Variants in SYT2 observed in about 807,000 individuals in gnomAD.
SYT2 encodes the protein synaptotagmin 2.
Under a neutral mutation model 39.9 loss-of-function variants are expected in SYT2, and 15 were observed. That is an observed-to-expected ratio of 0.38 (90% confidence interval 0.25 to 0.58). The LOEUF (loss-of-function observed/expected upper bound fraction) is 0.58. Ranked by LOEUF, SYT2 falls within the 20% of genes least tolerant of loss-of-function variation. The pLI is 0.70. For missense variants in SYT2, 389 were observed against 530.3 expected (o/e 0.73, Z 2.62); for synonymous variants, 181 against 204.5 (o/e 0.89, Z 0.98).
intron 1 of SYT2, among the ~76,000 whole-genome samples, chr1:202,701,609 C>T (rs760255696): frequency 3.9e-5 from 6 of 152,186 alleles, no homozygotes; most frequent in African/African-American, 9.7e-5. Flanking sequence ...AACACAAAGA[C>T]GGGTGCAGTG....
At position 202,694,180 on chromosome 1, in the gene SYT2, G is replaced by C. The variant is rs1241872993; in HGVS notation, c.-18+16078C>G. On this transcript the variant is annotated intron_variant, in intron 1 of 8. Coordinates refer to ENST00000367268, the MANE Select transcript of SYT2 (RefSeq NM_177402.5). ...GGGGATGAACATCCAAGCCATATCA[G>C]AGTTTTATGCATTTTCTAGCATAAA... Among the ~76,000 whole-genome samples, 5 of 152,318 alleles carry C rather than the reference G, an allele frequency of 3.3e-5. No individual in the cohort carries two copies. The East Asian group carries it at 9.6e-4, about 29-fold the overall frequency.
chr1:202,676,935 C>T (rs1017991940), intron 1 of SYT2, among the ~76,000 whole-genome samples: 2 of 152,160 alleles, frequency 1.3e-5, no homozygotes, highest in African/African-American at 4.8e-5. Context: ...GCAGACTTCC[C>T]CCTTGCTGTT....
chr1:202,609,042 A>G (rs1690801795), intron 1 of SYT2, among the ~76,000 whole-genome samples: 1 of 93,402 alleles, frequency 1.1e-5, no homozygotes. Context: ...CCCACCCCAC[A>G]ACAGGCCCCA....
chr1:202,599,164 C>T lies in SYT2; in HGVS notation c.1053+54G>A. On this transcript the variant is annotated intron_variant, in intron 8 of 8. Transcript: ENST00000367268. This position sits in a 1 kb window ranked among gnomAD's most constrained non-coding sequence, Gnocchi z 4.4. Reference sequence around the variant, plus strand: ...GTTCCCTCTCTTCAACCTCCCCATACATGTTTGCCTCCCCAAACCCTGCTC... The same window carrying T: ...GTTCCCTCTCTTCAACCTCCCCATATATGTTTGCCTCCCCAAACCCTGCTC... 6.2e-7 allele frequency: 1 copy of T among 1,602,330 alleles called. No homozygotes were observed. Among genetic ancestry groups the T allele is most frequent in the Non-Finnish European group, 8.5e-7 (1 of 1,176,448 alleles).
intron 1 of SYT2, among the ~76,000 whole-genome samples, chr1:202,610,866 A>C (rs1190849233): frequency 6.6e-6 from 1 of 152,102 alleles, no homozygotes; most frequent in Non-Finnish European, 1.5e-5. Flanking sequence ...CATGGGTAGG[A>C]AGAATCAATA....
rs1402391039 is a variant in SYT2, at chr1:202,602,424, T to C, written c.587A>G (p.His196Arg). Reference protein sequence around the residue: ...DKKKKYETKVHRKTLNPAFNE... With the variant: ...DKKKKYETKVRRKTLNPAFNE... ...GAAGGCAGGGTTCAGTGTCTTCCGA[T>C]GGACTTTGGTCTCATATTTCTTCTT... The change falls in exon 5 of 9, where the codon CAT becomes CGT. Residue 196 changes from histidine (H) to arginine (R), a missense_variant. This residue lies in a region of SYT2 where 280 missense variants were observed against 335.6 expected (regional missense o/e 0.83). Coordinates refer to ENST00000367268, the MANE Select transcript of SYT2 (RefSeq NM_177402.5). 6 of 1,614,184 alleles carry C rather than the reference T, an allele frequency of 3.7e-6. No individual in the cohort carries two copies. The East Asian group carries it at 1.1e-4, about 30-fold the overall frequency.
rs1572669003 is a variant in SYT2 at position 202,669,348 on chromosome 1, G to A, written c.-18+40910C>T. ...CAACGGGGCAACATAGTGAGACCTT[G>A]TCTGTACAAAAAAATAATTTAGGCT... is the stretch of plus-strand genomic sequence containing the variant. On this transcript the variant is annotated intron_variant, in intron 1 of 8. Transcript: ENST00000367268. Among the ~76,000 whole-genome samples, 5 of 151,530 alleles carry A rather than the reference G, an allele frequency of 3.3e-5. No homozygotes were observed. In the South Asian group the frequency reaches 8.4e-4, roughly 25 times the overall value.
chr1:202,654,833 C>T (rs1244562977), intron 1 of SYT2, among the ~76,000 whole-genome samples: 1 of 152,158 alleles, frequency 6.6e-6, no homozygotes, highest in Non-Finnish European at 1.5e-5. Flanking sequence ...AAGTGTATTC[C>T]AGGCAGAATG....
At chr1:202,699,130 C>T (rs2149120772) in intron 1 of SYT2, among the ~76,000 whole-genome samples, 1 of 150,504 alleles carries the variant, frequency 6.6e-6, no homozygotes, top group Admixed American at 6.7e-5. Context: ...TCAAGAGATC[C>T]TCTTACCTCA....
intron 1 of SYT2, among the ~76,000 whole-genome samples, chr1:202,635,172 G>A (rs1691707249): frequency 6.6e-6 from 1 of 152,132 alleles, no homozygotes; most frequent in South Asian, 2.1e-4. Flanking sequence ...AAGTCCCATG[G>A]CTAGGAGGCC....
intron 1 of SYT2, among the ~76,000 whole-genome samples, chr1:202,702,417 C>T (rs1243414073): frequency 1.3e-5 from 2 of 152,180 alleles, no homozygotes; most frequent in Non-Finnish European, 2.9e-5. Context: ...TTTTCCTACT[C>T]GTGGGAGAGT....
intron 1 of SYT2, among the ~76,000 whole-genome samples, chr1:202,700,906 TAA>T (rs997790324): frequency 3.9e-5 from 6 of 152,226 alleles, no homozygotes; most frequent in Non-Finnish European, 1.5e-5. Context: ...GGTAGCTTCT[TAA>T]AGACTGGCTG....
chr1:202,687,568 A>C (rs1402878400), intron 1 of SYT2, among the ~76,000 whole-genome samples: 1 of 151,090 alleles, frequency 6.6e-6, no homozygotes, highest in Non-Finnish European at 1.5e-5. Flanking sequence ...CCTCCCCTTG[A>C]CCAGACGCCA....
Position 202,602,986 on chromosome 1 carries a change from C to T in SYT2, c.465+13G>A, listed in dbSNP as rs752303128. On this transcript the variant is annotated intron_variant, in intron 4 of 8. Transcript: ENST00000367268. ...CCCATTCCCCCACTCTGCCCCCCCA[C>T]AGCCCTGCATACCTGATTAGCCTGA... 1.0e-5 allele frequency: 16 copies of T among 1,572,970 alleles called. No homozygotes were observed. The highest frequency in any genetic ancestry group is 1.7e-4 in the Middle Eastern group (1 of 5,972).
rs1691492654 is a variant in SYT2 at position 202,628,918 on chromosome 1, T to G, written c.-17-23129A>C. On this transcript the variant is annotated intron_variant, in intron 1 of 8. Transcript: ENST00000367268. This position sits in a 1 kb window ranked among gnomAD's most constrained non-coding sequence, Gnocchi z 4.2. Reference sequence around the variant, plus strand: ...GGGAACTTGAACAGGTTGCTTAACCTCTCTGGGCCTCAGCACTCCGTCTGC... The same window carrying G: ...GGGAACTTGAACAGGTTGCTTAACCGCTCTGGGCCTCAGCACTCCGTCTGC... Among the ~76,000 whole-genome samples, 1 of 152,182 alleles carries G rather than the reference T, an allele frequency of 6.6e-6. No homozygotes were observed. The highest frequency in any genetic ancestry group is 2.4e-5 in the African/African-American group (1 of 41,448).
At chr1:202,625,577 G>A (rs1346032515) in intron 1 of SYT2, among the ~76,000 whole-genome samples, 1 of 151,862 alleles carries the variant, frequency 6.6e-6, no homozygotes, top group Non-Finnish European at 1.5e-5. Flanking sequence ...TCTTCCCTGC[G>A]GCCCGTTGAG....
chr1:202,703,822 G>T (rs1226515937), intron 1 of SYT2, among the ~76,000 whole-genome samples: 1 of 152,080 alleles, frequency 6.6e-6, no homozygotes, highest in Non-Finnish European at 1.5e-5. Flanking sequence ...TTTCCCATAT[G>T]CCTAGTGCCA....
intron 1 of SYT2, among the ~76,000 whole-genome samples, chr1:202,691,728 G>GA (rs1558463394): frequency 7.0e-5 from 1 of 14,236 alleles, no homozygotes; most frequent in Non-Finnish European, 1.7e-4. Context: ...AGAGGGAGAG[G>GA]GGGGGAGAGA....
intron 1 of SYT2, among the ~76,000 whole-genome samples, chr1:202,685,982 C>T (rs961266292): frequency 6.6e-6 from 1 of 151,850 alleles, no homozygotes; most frequent in Admixed American, 6.6e-5. Flanking sequence ...CCAGGAAACC[C>T]CCAGGGTAGG....
Sources: gnomAD v4.1 joint callset for allele counts (sites outside exome capture counted in the v4.1 genomes callset) on GRCh38, gnomAD v4.1.1 for gene constraint, gnomAD v4.1.1 regional missense constraint, Gnocchi (gnomAD v3.1) non-coding constraint, MANE v1.5 for transcripts, NCBI Gene and HGNC (gene_info 2026-07-23, HGNC 2026-07-21) for gene names.